The following SH3GL2 variants were observed in gnomAD, a reference collection of about 807,000 sequenced individuals.
SH3GL2 encodes endophilin-A1.
A neutral mutation model predicts 46.0 loss-of-function variants in SH3GL2; 24 were observed. The observed-to-expected ratio is 0.52, with a 90% confidence interval of 0.38 to 0.73. The LOEUF is 0.73. Among genes scored for constraint, SH3GL2 ranks in the 30% least tolerant of loss-of-function variants. SH3GL2 has a pLI of 0.00. For missense variants in SH3GL2, 413 were observed against 424.2 expected (o/e 0.97, Z 0.23); for synonymous variants, 196 against 147.1 (o/e 1.33, Z -2.40).
chr9:17,736,972 A>G (rs562998510), intron 1 of SH3GL2, among the ~76,000 whole-genome samples: 4 of 152,164 alleles, frequency 2.6e-5, no homozygotes, highest in South Asian at 2.1e-4. Flanking sequence ...TCAATGATAG[A>G]TTGGATAAAG....
chr9:17,689,653 G>A (rs1289698905), intron 1 of SH3GL2, among the ~76,000 whole-genome samples: 1 of 151,964 alleles, frequency 6.6e-6, no homozygotes, highest in East Asian at 1.9e-4. Context: ...CCTTGAATAT[G>A]CAAGGTTATT....
chr9:17,791,784 G>C (rs1588341246), intron 7 of SH3GL2, among the ~76,000 whole-genome samples: 1 of 152,194 alleles, frequency 6.6e-6, no homozygotes, highest in Admixed American at 6.5e-5. Flanking sequence ...GGAGTTCACA[G>C]CCAGCCATAA....
intron 1 of SH3GL2, among the ~76,000 whole-genome samples, chr9:17,663,159 G>C (rs376871335): frequency 9.9e-5 from 15 of 152,262 alleles, no homozygotes; most frequent in African/African-American, 3.6e-4. Flanking sequence ...ATTTTCTAGA[G>C]TAACTCATCA....
At chr9:17,691,800 A>T (rs1476581829) in intron 1 of SH3GL2, among the ~76,000 whole-genome samples, 1 of 152,102 alleles carries the variant, frequency 6.6e-6, no homozygotes, top group Non-Finnish European at 1.5e-5. Context: ...TTATCTTGTC[A>T]GTATTTGATT....
chr9:17,623,705 T>TACACACACACACACACAC (rs10660392), intron 1 of SH3GL2, among the ~76,000 whole-genome samples: 9 of 147,796 alleles, frequency 6.1e-5, no homozygotes, highest in African/African-American at 2.2e-4. Flanking sequence ...TATAATTTCC[T>TACACACACACACACACAC]ACACACACAC....
chr9:17,743,485 G>A (rs1822588656), intron 1 of SH3GL2, among the ~76,000 whole-genome samples: 1 of 151,658 alleles, frequency 6.6e-6, no homozygotes, highest in South Asian at 2.1e-4. Flanking sequence ...TAGAGAAGAG[G>A]AAAGCTCTCT....
rs530096834 is a variant in SH3GL2 at position 17,588,286 on chromosome 9, G to A, written c.45+8999G>A. Among the ~76,000 whole-genome samples the A allele has an allele frequency of 7.2e-5, 11 of 152,306 alleles. 1 individual carries two copies. In the South Asian group the frequency reaches 2.3e-3, roughly 32 times the overall value. ...ATATGGTAGACAGAATGCTACGATT[G>A]TTGGTGACTCTTGCTCTTGTGTACT... is the stretch of plus-strand genomic sequence containing the variant. On this transcript the variant is annotated intron_variant, in intron 1 of 8. Transcript: ENST00000380607.
chr9:17,707,299 T>C (rs1028679529), intron 1 of SH3GL2, among the ~76,000 whole-genome samples: 3 of 152,068 alleles, frequency 2.0e-5, no homozygotes, highest in African/African-American at 7.2e-5. Flanking sequence ...GGCTCTCATG[T>C]CTTTCTTCTA....
In SH3GL2 at chr9:17,579,175, C is replaced by G; in HGVS notation, c.-68C>G. 2.5e-6 allele frequency: 3 copies of G among 1,220,350 alleles called. No individual in the cohort carries two copies. Among genetic ancestry groups the G allele is most frequent in the Non-Finnish European group, 3.4e-6 (3 of 888,636 alleles). The allele number at this position is 1,220,350 out of a possible 1,614,324, so 75.6% of individuals were successfully genotyped here. ...GCGGCCAGGGGAGCGCGCCGCCCCG[C>G]TCGGCCCTCCAGTCCCCCTCCGCCT... On this transcript the variant is annotated 5_prime_UTR_variant, in exon 1 of 9. Transcript: ENST00000380607.
chr9:17,787,865 T>G (rs959800047), intron 5 of SH3GL2, among the ~76,000 whole-genome samples: 3 of 152,232 alleles, frequency 2.0e-5, no homozygotes, highest in Non-Finnish European at 2.9e-5. Context: ...ACTAAAATGT[T>G]AGTTGTACTA....
chr9:17,638,415 TCTTA>T (rs1270996144), intron 1 of SH3GL2, among the ~76,000 whole-genome samples: 1 of 152,194 alleles, frequency 6.6e-6, no homozygotes, highest in Non-Finnish European at 1.5e-5. Flanking sequence ...TCTACCTGTA[TCTTA>T]CTTACAGTAG....
intron 1 of SH3GL2, among the ~76,000 whole-genome samples, chr9:17,710,388 T>C (rs1821587058): frequency 6.6e-6 from 1 of 151,964 alleles, no homozygotes; most frequent in African/African-American, 2.4e-5. Flanking sequence ...AACGGACTAA[T>C]ACAGGGACCA....
At chr9:17,696,716 G>GT (rs1171544712) in intron 1 of SH3GL2, among the ~76,000 whole-genome samples, 1 of 152,122 alleles carries the variant, frequency 6.6e-6, no homozygotes, top group Non-Finnish European at 1.5e-5. Flanking sequence ...GGTCCCTCCC[G>GT]TGACACATGG....
In SH3GL2 at chr9:17,724,836, G is replaced by T. The variant is rs111478650; in HGVS notation, c.46-22230G>T. ...TTTGTTTCTTTGTGTTTATCTGTTA[G>T]TGTGGGTTCGTAGGAGTCACCCCTG... On this transcript the variant is annotated intron_variant, in intron 1 of 8. Transcript: ENST00000380607. 3.0e-3 allele frequency among the ~76,000 whole-genome samples: 452 copies of T among 152,270 alleles called. 8 individuals are homozygous for T. Among genetic ancestry groups the T allele is most frequent in the African/African-American group, 9.9e-3 (410 of 41,554 alleles).
chr9:17,768,371 A>G (rs1328557074), intron 3 of SH3GL2, among the ~76,000 whole-genome samples: 3 of 87,490 alleles, frequency 3.4e-5, no homozygotes, highest in Non-Finnish European at 6.4e-5. Context: ...ACTCTGTCTC[A>G]AAAAAAAAAA....
At chr9:17,694,504 C>A (rs1308989838) in intron 1 of SH3GL2, among the ~76,000 whole-genome samples, 1 of 152,084 alleles carries the variant, frequency 6.6e-6, no homozygotes, top group Non-Finnish European at 1.5e-5. Flanking sequence ...ACTTGATGTA[C>A]CTGAAGCTGC....
intron 3 of SH3GL2, among the ~76,000 whole-genome samples, chr9:17,780,424 TGAG>T (rs1823769823): frequency 6.6e-6 from 1 of 152,158 alleles, no homozygotes; most frequent in African/African-American, 2.4e-5. Context: ...TCTCCACTGA[TGAG>T]CATTTAGGTG....
chr9:17,738,177 G>A lies in SH3GL2; in HGVS notation c.46-8889G>A, dbSNP rs537350809. On this transcript the variant is annotated intron_variant, in intron 1 of 8. Transcript: ENST00000380607. Reference sequence around the variant, plus strand: ...TTGCAAAGTCCCAGGTATATAGTAGGCATTCAATTTGAGTGCTGCTATATT... The same window carrying A: ...TTGCAAAGTCCCAGGTATATAGTAGACATTCAATTTGAGTGCTGCTATATT... 7.2e-5 allele frequency among the ~76,000 whole-genome samples: 11 copies of A among 151,962 alleles called. No homozygotes were observed. In the South Asian group the frequency reaches 2.3e-3, roughly 32 times the overall value.
At chr9:17,788,772 A>G (rs1282851716) in intron 5 of SH3GL2, among the ~76,000 whole-genome samples, 1 of 152,082 alleles carries the variant, frequency 6.6e-6, no homozygotes, top group Non-Finnish European at 1.5e-5. Context: ...CTTAAACTAA[A>G]TCACTGGATT....
Sources: gnomAD v4.1 joint callset for allele counts (sites outside exome capture counted in the v4.1 genomes callset) on GRCh38, gnomAD v4.1.1 for gene constraint, MANE v1.5 for transcripts, NCBI Gene and HGNC (gene_info 2026-07-23, HGNC 2026-07-21) for gene names.